Variants in EP400 observed in about 807,000 individuals in gnomAD.
EP400 encodes the protein E1A-binding protein p400.
A neutral mutation model predicts 354.1 loss-of-function variants in EP400; 105 were observed. That is an observed-to-expected ratio of 0.30 (90% confidence interval 0.25 to 0.35). The LOEUF is 0.35. Among genes scored for constraint, EP400 ranks in the 10% least tolerant of loss-of-function variants. EP400 has a pLI of 1.00. For synonymous variants in EP400, 1,646 were observed against 1,716.9 expected, an observed-to-expected ratio of 0.96 and a Z score of 1.02; for missense variants, 3,280 against 4,121.0, an observed-to-expected ratio of 0.80 and a Z score of 5.59.
At chr12:131,996,788 T>G (rs563319961) in intron 12 of EP400, among the ~76,000 whole-genome samples, 1 of 152,282 alleles carries the variant, frequency 6.6e-6, no homozygotes, top group South Asian at 2.1e-4. Context: ...GTTTCTTCCT[T>G]TGTTCATTTT....
chr12:132,034,524 T>C (rs1894628641), intron 30 of EP400, among the ~76,000 whole-genome samples: 1 of 152,236 alleles, frequency 6.6e-6, no homozygotes, highest in Non-Finnish European at 1.5e-5. Context: ...GACGTCCTGA[T>C]GAAGGCCGCC....
intron 5 of EP400, among the ~76,000 whole-genome samples, chr12:131,985,244 A>G (rs536576137): frequency 6.6e-6 from 1 of 152,372 alleles, no homozygotes; most frequent in East Asian, 1.9e-4. Flanking sequence ...TTCTCAGTCA[A>G]GGGCCAGGGA....
rs1292408116 is a variant in EP400 at position 132,079,293 on chromosome 12, T to C, written c.*1620T>C. 6.6e-6 allele frequency: 1 copy of C among 152,258 alleles called. No homozygotes were observed. The highest frequency in any genetic ancestry group is 1.5e-5 in the Non-Finnish European group (1 of 68,038). 9.4% of individuals were successfully genotyped at this position (152,258 alleles called of 1,614,324 possible). On this transcript the variant is annotated 3_prime_UTR_variant, in exon 53 of 53. Coordinates refer to ENST00000389561, the MANE Select transcript of EP400 (RefSeq NM_015409.5). ...TGAAGAAACAGAAGAAATTAATCTT[T>C]TAGTTAGTTGAACATACCAAAGCAG...
intron 2 of EP400, among the ~76,000 whole-genome samples, chr12:131,962,548 C>T (rs1008577135): frequency 1.3e-5 from 2 of 152,144 alleles, no homozygotes; most frequent in Non-Finnish European, 2.9e-5. Flanking sequence ...AGAAGTTATT[C>T]AATTTTTAGA....
rs1411432359 is a variant in EP400, at chr12:131,992,245, A to G, written c.2737+15A>G. The stretch of plus-strand genomic sequence containing the variant: ...TGATGACGAAGGTCTGTTCCCCCTC[A>G]GCACTATCTTTGTCATCTCCAGGGC... On this transcript the variant is annotated intron_variant, in intron 11 of 52. Coordinates refer to ENST00000389561, the MANE Select transcript of EP400 (RefSeq NM_015409.5). 3.7e-6 allele frequency: 6 copies of G among 1,606,844 alleles called. No individual in the cohort carries two copies. In the African/African-American group the frequency reaches 6.7e-5, roughly 18 times the overall value.
chr12:132,058,894 C>G lies in EP400; in HGVS notation c.7885-3216C>G, dbSNP rs865963393. On this transcript the variant is annotated intron_variant, in intron 45 of 52. Coordinates refer to ENST00000389561, the MANE Select transcript of EP400 (RefSeq NM_015409.5). ...CTCACACTCACAGGCTGAAGCAATC[C>G]TCCCACCTCAGCTTCCTGAATAGTT... Among the ~76,000 whole-genome samples the G allele has an allele frequency of 3.3e-5, 5 of 152,094 alleles. No individual in the cohort carries two copies. The South Asian group carries it at 8.3e-4, about 25-fold the overall frequency.
intron 51 of EP400, among the ~76,000 whole-genome samples, chr12:132,072,107 G>A (rs571115703): frequency 1.1e-4 from 17 of 152,262 alleles, no homozygotes; most frequent in South Asian, 4.1e-4. Flanking sequence ...GCTCAGCCTC[G>A]TTCGTGCGCT....
chr12:131,990,741 C>T lies in EP400; in HGVS notation c.2629+27C>T. ...TAGGACCCTTTAAAAAAAGGCTCAC[C>T]ACGCTTGGGTGGTATTTTGTTCGGA... On this transcript the variant is annotated intron_variant, in intron 9 of 52. Coordinates refer to ENST00000389561, the MANE Select transcript of EP400 (RefSeq NM_015409.5). This position sits in a 1 kb window ranked among gnomAD's most constrained non-coding sequence, Gnocchi z 4.2. 1.3e-6 allele frequency: 2 copies of T among 1,535,918 alleles called. No homozygotes were observed. Among genetic ancestry groups the T allele is most frequent in the South Asian group, 2.3e-5 (2 of 86,684 alleles).
chr12:131,998,400 T>C (rs1346900947), intron 12 of EP400, among the ~76,000 whole-genome samples: 2 of 152,128 alleles, frequency 1.3e-5, no homozygotes, highest in African/African-American at 4.8e-5. Flanking sequence ...GCCTTTCCAG[T>C]CTATGATCAA....
At chr12:132,042,874 T>C (rs941075190) in intron 32 of EP400, among the ~76,000 whole-genome samples, 2 of 152,248 alleles carry the variant, frequency 1.3e-5, no homozygotes, top group Admixed American at 1.3e-4. Flanking sequence ...CGTTGGGCTG[T>C]CCGTCTGCTG....
chr12:131,993,329 G>C (rs1420567482), intron 11 of EP400, among the ~76,000 whole-genome samples: 1 of 152,156 alleles, frequency 6.6e-6, no homozygotes, highest in Non-Finnish European at 1.5e-5. Context: ...CTGGCCTGGT[G>C]CTGAATTCTA....
intron 39 of EP400, among the ~76,000 whole-genome samples, chr12:132,049,177 CG>C (rs1895212511): frequency 6.6e-6 from 1 of 152,228 alleles, no homozygotes; most frequent in African/African-American, 2.4e-5. Context: ...GCAAGCCATG[CG>C]GGGCGGGGCA....
At chr12:131,987,676 C>T in intron 6 of EP400, 29 bp from the exon 7 acceptor site, 2 of 1,534,606 alleles carry the variant, frequency 1.3e-6, no homozygotes, top group South Asian at 1.3e-5. Flanking sequence ...CACATGCCGA[C>T]CCCACCATCC....
chr12:132,026,436 A>C (rs936352035), intron 25 of EP400, among the ~76,000 whole-genome samples: 3 of 152,182 alleles, frequency 2.0e-5, no homozygotes, highest in African/African-American at 7.2e-5. Context: ...TGGGTGGGTC[A>C]CTGCCAACCT....
intron 2 of EP400, among the ~76,000 whole-genome samples, chr12:131,967,049 G>A (rs983760691): frequency 6.6e-6 from 1 of 151,924 alleles, no homozygotes; most frequent in African/African-American, 2.4e-5. Context: ...ACTCCATCCT[G>A]GGCCACAGGG....
At chr12:131,972,474 A>G (rs965360672) in intron 2 of EP400, among the ~76,000 whole-genome samples, 7 of 151,952 alleles carry the variant, frequency 4.6e-5, no homozygotes, top group Non-Finnish European at 1.0e-4. Flanking sequence ...CTAATAGCCA[A>G]TTGTGTAATT....
intron 12 of EP400, among the ~76,000 whole-genome samples, chr12:131,996,858 G>A (rs1321464254): frequency 1.3e-5 from 2 of 151,994 alleles, no homozygotes; most frequent in Non-Finnish European, 2.9e-5. Flanking sequence ...TATATATTCT[G>A]GACATGAATT....
At chr12:131,951,036 AC>A (rs1891460841) in intron 1 of EP400, among the ~76,000 whole-genome samples, 1 of 149,404 alleles carries the variant, frequency 6.7e-6, no homozygotes. Flanking sequence ...AGTAGCTGGG[AC>A]TACAGGCGCC....
chr12:132,028,705 C>T (rs1392712497), intron 27 of EP400, among the ~76,000 whole-genome samples: 3 of 152,210 alleles, frequency 2.0e-5, no homozygotes, highest in African/African-American at 7.2e-5. Context: ...GAGAGCAAAT[C>T]TGAGCACCGG....
Sources: allele counts gnomAD v4.1 joint callset (sites outside exome capture counted in the v4.1 genomes callset), GRCh38; gene constraint gnomAD v4.1.1; non-coding constraint Gnocchi (gnomAD v3.1); transcripts MANE v1.5; gene names NCBI Gene and HGNC (gene_info 2026-07-23, HGNC 2026-07-21).